Variants in ZNF202 observed in about 807,000 individuals in gnomAD.
The protein encoded by ZNF202 is zinc finger protein with KRAB and SCAN domains 10.
In ZNF202, 22 loss-of-function variants were observed where a neutral mutation model predicts 54.5. The observed-to-expected ratio is 0.40, with a 90% CI of 0.29 to 0.58. ZNF202 has a LOEUF of 0.58. ZNF202 is among the 20% of genes least tolerant of loss of function. The probability of loss-of-function intolerance (pLI) is 0.39; values close to 1 mark genes in which losing one functional copy is unlikely to be tolerated. For synonymous variants in ZNF202, 294 were observed against 301.4 expected (o/e 0.98, Z 0.26); for missense variants, 644 against 805.5 (o/e 0.80, Z 2.43).
rs773879381 is a variant in ZNF202, at chr11:123,730,465, G to C, written c.402+22C>G. 1.3e-6 allele frequency: 2 copies of C among 1,515,068 alleles called. No individual in the cohort carries two copies. The highest frequency in any genetic ancestry group is 1.4e-5 in the South Asian group (1 of 73,490). 93.9% of individuals were successfully genotyped at this position (1,515,068 alleles called of 1,614,324 possible). ...AAATAGTCCCCCTCCACATCACACAGATCAGGACTCCCCCTCCTCACCCAC... is the reference window on the plus strand; with the variant it reads ...AAATAGTCCCCCTCCACATCACACACATCAGGACTCCCCCTCCTCACCCAC... On this transcript the variant is annotated intron_variant, in intron 4 of 8. Coordinates refer to ENST00000530393, the MANE Select transcript of ZNF202 (RefSeq NM_003455.4). The surrounding 1 kb of genome is among the most constrained non-coding windows in gnomAD (Gnocchi z 6.0).
Position 123,725,823 on chromosome 11 carries a change from G to T in ZNF202, c.*174C>A. On this transcript the variant is annotated 3_prime_UTR_variant, in exon 9 of 9. Transcript: ENST00000530393. ...ACATCCCCTCAAGGCGTAGAGGAAGGCTGAGAGGTTCTGCCCAGGCTCGTG... is the reference window on the plus strand; with the variant it reads ...ACATCCCCTCAAGGCGTAGAGGAAGTCTGAGAGGTTCTGCCCAGGCTCGTG... 3 of 723,434 alleles carry T rather than the reference G, an allele frequency of 4.1e-6. No homozygotes were observed. Among genetic ancestry groups the T allele is most frequent in the South Asian group, 2.1e-5 (1 of 47,770 alleles). The allele number at this position is 723,434 out of a possible 1,614,324, so 44.8% of individuals were successfully genotyped here.
rs1861108123 is a variant in ZNF202 at position 123,725,899 on chromosome 11, C to T, written c.*98G>A. 2 of 1,420,318 alleles carry T rather than the reference C, an allele frequency of 1.4e-6. No individual in the cohort carries two copies. The highest frequency in any genetic ancestry group is 4.6e-5 in the East Asian group (2 of 43,056). The allele number at this position is 1,420,318 out of a possible 1,614,324, so 88.0% of individuals were successfully genotyped here. ...AGATCTGAGCAGGTCAGGGAGACTC[C>T]CTCGAAAAGGTCTTCCCAGGCTGAC... On this transcript the variant is annotated 3_prime_UTR_variant, in exon 9 of 9. Coordinates refer to ENST00000530393, the MANE Select transcript of ZNF202 (RefSeq NM_003455.4).
intron 4 of ZNF202, 128 bp from the exon 5 acceptor site, chr11:123,729,953 C>T (rs1861332943): frequency 1.0e-6 from 1 of 982,572 alleles, no homozygotes; most frequent in Non-Finnish European, 1.5e-6. Flanking sequence ...GGAGGGGAAA[C>T]TCCAGTTTCA....
chr11:123,726,522 A>C lies in ZNF202; in HGVS notation c.1422T>G (p.Thr474=). ...ATCTATAGGGTTTCTCCACTGATGGAGTTCTCTCAGCCTGTGTCACAGGGG... is the reference window on the plus strand; with the variant it reads ...ATCTATAGGGTTTCTCCACTGATGGCGTTCTCTCAGCCTGTGTCACAGGGG... ...ETSPVTQAER[T]PSVEKPYRCD... Residue 474 remains threonine (T), a synonymous_variant, in exon 9 of 9, where the codon ACT becomes ACG. Coordinates refer to ENST00000530393, the MANE Select transcript of ZNF202 (RefSeq NM_003455.4). This position sits in a 1 kb window ranked among gnomAD's most constrained non-coding sequence, Gnocchi z 6.0. 2 of 1,614,230 alleles carry C rather than the reference A, an allele frequency of 1.2e-6. No homozygotes were observed. Among genetic ancestry groups the C allele is most frequent in the Non-Finnish European group, 1.7e-6 (2 of 1,180,022 alleles).
chr11:123,731,033 C>T (rs1047760389), intron 3 of ZNF202, 48 bp from the exon 4 acceptor site: 1 of 913,994 alleles, frequency 1.1e-6, no homozygotes, highest in Non-Finnish European at 1.6e-6. Context: ...TGAAACTATA[C>T]ACAAGGACAA....
chr11:123,730,874 C>T lies in ZNF202; in HGVS notation c.15G>A (p.Val5=), dbSNP rs769275323. MATA[V]EPEDQDLWEE... is the part of the protein sequence containing the mutation. Reference sequence around the variant, plus strand: ...CCCAAAGATCCTGGTCCTCTGGTTCCACGGCTGTAGCCATTTCTTGGCTTT... The same window carrying T: ...CCCAAAGATCCTGGTCCTCTGGTTCTACGGCTGTAGCCATTTCTTGGCTTT... The change falls in exon 4 of 9, where the codon GTG becomes GTA. Residue 5 remains valine, a synonymous_variant. Transcript: ENST00000530393. The surrounding 1 kb of genome is among the most constrained non-coding windows in gnomAD (Gnocchi z 6.0). 6.2e-6 allele frequency: 10 copies of T among 1,613,256 alleles called. No individual in the cohort carries two copies. In the African/African-American group the frequency reaches 1.3e-4, roughly 22 times the overall value.
chr11:123,727,639 A>G, intron 7 of ZNF202, 44 bp from the exon 8 acceptor site: 1 of 1,611,910 alleles, frequency 6.2e-7, no homozygotes, highest in Non-Finnish European at 8.5e-7. Context: ...TGGCTCAACA[A>G]TTCCCTGTGT....
chr11:123,730,532 C>T lies in ZNF202; in HGVS notation c.357G>A (p.Thr119=), dbSNP rs1474548890. The T allele has an allele frequency of 5.2e-6, 8 of 1,553,332 alleles. No individual in the cohort carries two copies. The highest frequency in any genetic ancestry group is 1.4e-5 in the African/African-American group (1 of 72,822). The change falls in exon 4 of 9, where the codon ACG becomes ACA. Residue 119 remains threonine (T), a synonymous_variant. Transcript: ENST00000530393. This position sits in a 1 kb window ranked among gnomAD's most constrained non-coding sequence, Gnocchi z 6.0. ...QRPESGEEAV[T]LVEGLQKQPR... ...GTTGTTTCTGCAAACCCTCCACCAG[C>T]GTCACTGCCTCCTCGCCACTTTCTG...
intron 3 of ZNF202, among the ~76,000 whole-genome samples, chr11:123,734,159 C>G (rs1263658197): frequency 6.6e-6 from 1 of 151,970 alleles, no homozygotes; most frequent in Non-Finnish European, 1.5e-5. Flanking sequence ...CAGGGAGAGA[C>G]AGCATGGGCT....
At chr11:123,734,024 G>C (rs1178211663) in intron 3 of ZNF202, among the ~76,000 whole-genome samples, 1 of 152,134 alleles carries the variant, frequency 6.6e-6, no homozygotes, top group African/African-American at 2.4e-5. Flanking sequence ...GGTAAAGTCA[G>C]CTTATACTTA....
chr11:123,726,811 T>C lies in ZNF202; in HGVS notation c.1133A>G (p.Asn378Ser). ...AGTTTCCCGAAGGTTCACAAAACTA[T>C]TCACTTGAGAAATATTAGTACCAAA... is the stretch of plus-strand genomic sequence containing the variant. ...RRFGTNISQV[N>S]SFVNLRETTP... is the part of the protein sequence containing the mutation. The change falls in exon 9 of 9, where the codon AAT becomes AGT. Residue 378 changes from asparagine (N) to serine (S), a missense_variant. This residue lies in a region of ZNF202 where 536 missense variants were observed against 635.3 expected (regional missense o/e 0.84). Transcript: ENST00000530393. This position sits in a 1 kb window ranked among gnomAD's most constrained non-coding sequence, Gnocchi z 6.0. The C allele has an allele frequency of 6.2e-7, 1 of 1,614,196 alleles. No homozygotes were observed. The highest frequency in any genetic ancestry group is 8.5e-7 in the Non-Finnish European group (1 of 1,180,042).
chr11:123,741,104 G>C (rs1379691663), intron 1 of ZNF202, among the ~76,000 whole-genome samples: 2 of 152,250 alleles, frequency 1.3e-5, no homozygotes, highest in South Asian at 2.1e-4. Flanking sequence ...GCCGGGGCAA[G>C]GAGCCCGCGG....
rs527860873 is a variant in ZNF202, at chr11:123,730,182, G to A, written c.402+305C>T. ...TGACTGGGGATCTATGAGAACCTTCGAGGAAGTCACAAAATTCTCCTCTCC... is the reference window on the plus strand; with the variant it reads ...TGACTGGGGATCTATGAGAACCTTCAAGGAAGTCACAAAATTCTCCTCTCC... On this transcript the variant is annotated intron_variant, in intron 4 of 8. Coordinates refer to ENST00000530393, the MANE Select transcript of ZNF202 (RefSeq NM_003455.4). This position sits in a 1 kb window ranked among gnomAD's most constrained non-coding sequence, Gnocchi z 6.0. Among the ~76,000 whole-genome samples the A allele has an allele frequency of 3.3e-5, 5 of 152,192 alleles. No individual in the cohort carries two copies. The highest frequency in any genetic ancestry group is 3.4e-3 in the Middle Eastern group (1 of 294).
rs562659738 is a variant in ZNF202, at chr11:123,740,786, T to C, written c.-293-250A>G. Reference sequence around the variant, plus strand: ...TTTCTGAAGGAACACAGCCTATCCATGGCACAAAAACAAATTTTTAATCAA... The same window carrying C: ...TTTCTGAAGGAACACAGCCTATCCACGGCACAAAAACAAATTTTTAATCAA... On this transcript the variant is annotated intron_variant, in intron 1 of 8. Coordinates refer to ENST00000530393, the MANE Select transcript of ZNF202 (RefSeq NM_003455.4). Among the ~76,000 whole-genome samples, 12 of 152,328 alleles carry C rather than the reference T, an allele frequency of 7.9e-5. No individual in the cohort carries two copies. The East Asian group carries it at 1.5e-3, about 20-fold the overall frequency.
intron 3 of ZNF202, chr11:123,739,290 A>G (rs1191293554): frequency 6.6e-6 from 1 of 152,224 alleles, no homozygotes; most frequent in Non-Finnish European, 1.5e-5. Flanking sequence ...ACTGTGTAGC[A>G]TAAGGCCAGT....
At chr11:123,732,243 C>T (rs141196378) in intron 3 of ZNF202, among the ~76,000 whole-genome samples, 7 of 152,202 alleles carry the variant, frequency 4.6e-5, no homozygotes, top group South Asian at 2.1e-4. Flanking sequence ...ATGATCAGAA[C>T]GAGCTCTCTT....
rs891757086 is a variant in ZNF202 at position 123,723,925 on chromosome 11, T to G, written c.*2072A>C. On this transcript the variant is annotated 3_prime_UTR_variant, in exon 9 of 9. Coordinates refer to ENST00000530393, the MANE Select transcript of ZNF202 (RefSeq NM_003455.4). ...CCAGCCTCACAAGCTTTCCCTCATG[T>G]AGAACTCTGACAGATTTTCATTTAT... Among the ~76,000 whole-genome samples the G allele has an allele frequency of 6.6e-6, 1 of 152,230 alleles. No homozygotes were observed. Among genetic ancestry groups the G allele is most frequent in the Non-Finnish European group, 1.5e-5 (1 of 68,042 alleles).
chr11:123,732,035 G>A (rs1942534900), intron 3 of ZNF202, among the ~76,000 whole-genome samples: 1 of 152,136 alleles, frequency 6.6e-6, no homozygotes, highest in African/African-American at 2.4e-5. Flanking sequence ...TCTTTTTGAA[G>A]GTTGTTCCTT....
chr11:123,734,143 G>A (rs764807772), intron 3 of ZNF202, among the ~76,000 whole-genome samples: 4 of 152,090 alleles, frequency 2.6e-5, no homozygotes, highest in Non-Finnish European at 4.4e-5. Context: ...GGGAGAGACA[G>A]ACACACAGGG....
Sources: gnomAD v4.1 joint callset for allele counts (sites outside exome capture counted in the v4.1 genomes callset) on GRCh38, gnomAD v4.1.1 for gene constraint, gnomAD v4.1.1 regional missense constraint, Gnocchi (gnomAD v3.1) non-coding constraint, MANE v1.5 for transcripts, NCBI Gene and HGNC (gene_info 2026-07-23, HGNC 2026-07-21) for gene names.